The following TMC1 variants were observed in gnomAD, a reference collection of about 807,000 sequenced individuals.
TMC1 encodes the protein transmembrane channel like 1.
In TMC1, 84 loss-of-function variants were observed where a neutral mutation model predicts 105.8. The observed-to-expected ratio is 0.79, with a 90% CI of 0.67 to 0.95. The LOEUF is 0.95. Among genes scored for constraint, TMC1 ranks in the 40% least tolerant of loss-of-function variants. The pLI is 0.00. For synonymous variants in TMC1, 315 were observed against 311.5 expected (o/e 1.01, Z -0.12); for missense variants, 817 against 914.1 (o/e 0.89, Z 1.37).
In TMC1 at chr9:72,806,436, C is replaced by T. The variant is rs577050996; in HGVS notation, c.1695+926C>T. On this transcript the variant is annotated intron_variant, in intron 18 of 23. Coordinates refer to ENST00000297784, the MANE Select transcript of TMC1 (RefSeq NM_138691.3). ...CCTCCCTCCCGGACGGGGTGGCTGC[C>T]GGGCGGAGACGCTCCTCAGTTCCCA... is the stretch of plus-strand genomic sequence containing the variant. 1.9e-4 allele frequency among the ~76,000 whole-genome samples: 28 copies of T among 151,034 alleles called. No homozygotes were observed. In the East Asian group the frequency reaches 5.1e-3, roughly 28 times the overall value.
At chr9:72,601,169 TACACACACAC>T (rs753598002) in intron 2 of TMC1, among the ~76,000 whole-genome samples, 18 of 148,368 alleles carry the variant, frequency 1.2e-4, no homozygotes, top group South Asian at 4.3e-4. Flanking sequence ...ACACTGTTTC[TACACACACAC>T]ACACACACAC....
At chr9:72,640,701 C>T (rs894483721) in intron 4 of TMC1, among the ~76,000 whole-genome samples, 3 of 151,674 alleles carry the variant, frequency 2.0e-5, no homozygotes, top group Non-Finnish European at 4.4e-5. Context: ...GGCGCGACCT[C>T]GGCTCACTGC....
intron 10 of TMC1, among the ~76,000 whole-genome samples, chr9:72,746,988 A>G (rs530411410): frequency 6.6e-6 from 1 of 152,268 alleles, no homozygotes; most frequent in Non-Finnish European, 1.5e-5. Context: ...ATCTATACCC[A>G]TTGTGATGCC....
intron 6 of TMC1, 82 bp downstream of exon 6, chr9:72,688,838 G>T: frequency 8.5e-7 from 1 of 1,171,278 alleles, no homozygotes. Flanking sequence ...GTGGACTTGA[G>T]CTACCATATG....
chr9:72,812,501 G>A (rs1390644065), intron 18 of TMC1, among the ~76,000 whole-genome samples: 2 of 152,210 alleles, frequency 1.3e-5, no homozygotes, highest in East Asian at 1.9e-4. Context: ...CCTAGCAGAC[G>A]AGGCTAGAGT....
intron 20 of TMC1, among the ~76,000 whole-genome samples, chr9:72,826,313 T>C (rs2118316668): frequency 1.3e-5 from 2 of 152,228 alleles, no homozygotes; most frequent in African/African-American, 4.8e-5. Flanking sequence ...TTAGGGCCTG[T>C]CCAGGAGAAG....
intron 13 of TMC1, among the ~76,000 whole-genome samples, chr9:72,784,410 AAAACAAAC>A (rs139056601): frequency 1.2e-4 from 18 of 151,586 alleles, no homozygotes; most frequent in South Asian, 2.1e-4. Context: ...ACTATTGTTA[AAAACAAAC>A]AAACAAACAA....
chr9:72,732,903 G>A (rs1306116466), intron 8 of TMC1, among the ~76,000 whole-genome samples: 1 of 152,162 alleles, frequency 6.6e-6, no homozygotes, highest in African/African-American at 2.4e-5. Flanking sequence ...CTGGCAGATG[G>A]CCAACACTCA....
intron 1 of TMC1, among the ~76,000 whole-genome samples, chr9:72,547,633 C>G (rs1823794115): frequency 6.6e-6 from 1 of 152,134 alleles, no homozygotes; most frequent in Non-Finnish European, 1.5e-5. Flanking sequence ...TTCAAATTTG[C>G]TGTTCTCAAA....
At chr9:72,546,543 T>G (rs1246622356) in intron 1 of TMC1, among the ~76,000 whole-genome samples, 1 of 152,234 alleles carries the variant, frequency 6.6e-6, no homozygotes, top group African/African-American at 2.4e-5. Context: ...AAAATTTGCT[T>G]TGAAAAAGAT....
intron 23 of TMC1, among the ~76,000 whole-genome samples, chr9:72,833,729 C>T (rs997306606): frequency 6.6e-6 from 1 of 152,176 alleles, no homozygotes; most frequent in Non-Finnish European, 1.5e-5. Context: ...AATAATATCC[C>T]TTCAAAATAG....
At chr9:72,818,328 A>G (rs1482711742) in intron 19 of TMC1, among the ~76,000 whole-genome samples, 1 of 152,214 alleles carries the variant, frequency 6.6e-6, no homozygotes, top group East Asian at 1.9e-4. Context: ...TTATAGATAA[A>G]ATCCATTTTG....
intron 21 of TMC1, among the ~76,000 whole-genome samples, chr9:72,827,492 G>A (rs892435437): frequency 5.9e-5 from 9 of 152,150 alleles, no homozygotes; most frequent in Admixed American, 2.6e-4. Context: ...TTAGAGGGCC[G>A]CCAATAACTG....
At chr9:72,572,214 T>C (rs1162255127) in intron 1 of TMC1, among the ~76,000 whole-genome samples, 1 of 151,754 alleles carries the variant, frequency 6.6e-6, no homozygotes, top group African/African-American at 2.4e-5. Context: ...TTTTTTTTTT[T>C]AAACCAGGAT....
intron 8 of TMC1, among the ~76,000 whole-genome samples, chr9:72,723,623 A>G (rs1827068872): frequency 6.6e-6 from 1 of 152,214 alleles, no homozygotes; most frequent in African/African-American, 2.4e-5. Flanking sequence ...CTTTCAAATA[A>G]TATTTTGAAA....
At chr9:72,659,662 C>A (rs551098874) in intron 5 of TMC1, among the ~76,000 whole-genome samples, 1 of 152,264 alleles carries the variant, frequency 6.6e-6, no homozygotes, top group African/African-American at 2.4e-5. Context: ...GACAAACAAA[C>A]AAATACCATG....
rs1379559009 is a variant in TMC1 at position 72,700,593 on chromosome 9, T to C, written c.312T>C (p.Ala104=). ...AELDEKRQII[A]TVKCKPWKME... is the part of the protein sequence containing the mutation. ...TAGATGAGAAAAGACAAATAATTGC[T>C]ACTGTCAAATGCAAACCATGGAAGA... The change falls in exon 8 of 24, where the codon GCT becomes GCC. Residue 104 remains alanine (A), a synonymous_variant. Transcript: ENST00000297784. 1.2e-6 allele frequency: 2 copies of C among 1,608,646 alleles called. No individual in the cohort carries two copies. The highest frequency in any genetic ancestry group is 1.7e-6 in the Non-Finnish European group (2 of 1,176,708).
intron 8 of TMC1, among the ~76,000 whole-genome samples, chr9:72,713,423 G>T (rs973891947): frequency 2.6e-5 from 4 of 152,126 alleles, no homozygotes; most frequent in African/African-American, 9.7e-5. Flanking sequence ...TGGTTGGTAG[G>T]CTATTAATTG....
At chr9:72,803,096 G>A (rs1196513362) in intron 17 of TMC1, among the ~76,000 whole-genome samples, 1 of 152,170 alleles carries the variant, frequency 6.6e-6, no homozygotes, top group African/African-American at 2.4e-5. Flanking sequence ...ACAGTCATCT[G>A]ATCTTTGACA....
Sources: gnomAD v4.1 joint callset for allele counts (sites outside exome capture counted in the v4.1 genomes callset) on GRCh38, gnomAD v4.1.1 for gene constraint, MANE v1.5 for transcripts, NCBI Gene and HGNC (gene_info 2026-07-23, HGNC 2026-07-21) for gene names.